Variants in ST8SIA4 observed in about 807,000 individuals in gnomAD.
ST8SIA4 encodes ST8 alpha-N-acetyl-neuraminide alpha-2,8-sialyltransferase 4, also known as CMP-N-acetylneuraminate-poly-alpha-2,8-sialyltransferase.
ST8SIA4 carries 15 observed loss-of-function variants against 33.9 expected under a neutral mutation model. The observed-to-expected ratio is 0.44, with a 90% CI of 0.30 to 0.68. ST8SIA4 has a LOEUF of 0.68. Ranked by LOEUF, ST8SIA4 falls within the 30% of genes least tolerant of loss-of-function variation. The pLI, the probability that ST8SIA4 is intolerant of heterozygous loss-of-function variation, is 0.10. For synonymous variants in ST8SIA4, 171 were observed against 151.2 expected (o/e 1.13, Z -0.96); for missense variants, 321 against 428.0 (o/e 0.75, Z 2.21).
intron 4 of ST8SIA4, among the ~76,000 whole-genome samples, chr5:100,845,476 T>A (rs929281614): frequency 1.3e-5 from 2 of 151,850 alleles, no homozygotes; most frequent in Non-Finnish European, 2.9e-5. Flanking sequence ...TAGAATAACT[T>A]AATGCAAATT....
intron 4 of ST8SIA4, among the ~76,000 whole-genome samples, chr5:100,830,307 T>G (rs1316700125): frequency 1.3e-5 from 2 of 152,222 alleles, no homozygotes; most frequent in Non-Finnish European, 2.9e-5. Context: ...AGATATTTGA[T>G]TTCATTGTGC....
chr5:100,876,777 G>A (rs1392429627), intron 3 of ST8SIA4, among the ~76,000 whole-genome samples: 2 of 151,836 alleles, frequency 1.3e-5, no homozygotes. Flanking sequence ...ATGTACATGA[G>A]ACCTAAATTT....
intron 3 of ST8SIA4, among the ~76,000 whole-genome samples, chr5:100,868,354 T>TA (rs886977945): frequency 1.5e-4 from 23 of 152,152 alleles, no homozygotes; most frequent in African/African-American, 5.5e-4. Flanking sequence ...TGTGCATGTG[T>TA]AGTAGCCAGG....
chr5:100,869,635 A>G (rs1330024607), intron 3 of ST8SIA4, among the ~76,000 whole-genome samples: 1 of 152,108 alleles, frequency 6.6e-6, no homozygotes. Flanking sequence ...TCTTCTGTTT[A>G]TAACAATAAC....
At chr5:100,830,153 T>C (rs894741744) in intron 4 of ST8SIA4, among the ~76,000 whole-genome samples, 2 of 152,228 alleles carry the variant, frequency 1.3e-5, no homozygotes, top group Non-Finnish European at 2.9e-5. Flanking sequence ...TGCAAAACTG[T>C]TGAAGACCTG....
rs190254111 is a variant in ST8SIA4 at position 100,808,680 on chromosome 5, A to G, written c.*3167T>C. The G allele has an allele frequency of 2.0e-5, 3 of 152,772 alleles. No individual in the cohort carries two copies. The East Asian group carries it at 5.8e-4, about 29-fold the overall frequency. 9.5% of individuals were successfully genotyped at this position (152,772 alleles called of 1,614,324 possible). ...CCACCTATTTCAAGTATGCTTTTAT[A>G]ATTTGATTTTGTCATGATCCTTTAT... On this transcript the variant is annotated 3_prime_UTR_variant, in exon 5 of 5. Transcript: ENST00000231461.
At chr5:100,836,660 A>G (rs12153670) in intron 4 of ST8SIA4, among the ~76,000 whole-genome samples, 42,561 of 151,898 alleles carry the variant, frequency 0.28, 6,213 homozygotes, top group Non-Finnish European at 0.32. Flanking sequence ...AATTAAAGAT[A>G]TCATTTCATA....
chr5:100,843,294 G>T (rs1751506120), intron 4 of ST8SIA4, among the ~76,000 whole-genome samples: 1 of 151,728 alleles, frequency 6.6e-6, no homozygotes, highest in South Asian at 2.1e-4. Context: ...CTTTCATTAT[G>T]AAAACAATTT....
chr5:100,843,935 T>C (rs962222058), intron 4 of ST8SIA4, among the ~76,000 whole-genome samples: 2 of 151,922 alleles, frequency 1.3e-5, no homozygotes, highest in Non-Finnish European at 2.9e-5. Context: ...TCTCCAATAT[T>C]TGAAGTTTAG....
intron 3 of ST8SIA4, chr5:100,886,015 T>G: frequency 3.0e-6 from 3 of 995,064 alleles, no homozygotes; most frequent in Non-Finnish European, 3.7e-6. Flanking sequence ...CACACAAAAC[T>G]AATGAGTATG....
At chr5:100,817,011 T>C (rs2112398880) in intron 4 of ST8SIA4, among the ~76,000 whole-genome samples, 1 of 151,416 alleles carries the variant, frequency 6.6e-6, no homozygotes, top group African/African-American at 2.4e-5. Context: ...GGCGCAATCT[T>C]GGCTCACTGC....
intron 4 of ST8SIA4, among the ~76,000 whole-genome samples, chr5:100,847,328 A>T (rs1387701492): frequency 6.6e-6 from 1 of 152,046 alleles, no homozygotes; most frequent in Non-Finnish European, 1.5e-5. Flanking sequence ...AATCCATTAG[A>T]GTGACTAATA....
intron 1 of ST8SIA4, among the ~76,000 whole-genome samples, chr5:100,901,791 A>G (rs568873188): frequency 1.3e-5 from 2 of 152,312 alleles, no homozygotes. Context: ...GAGCAGGAAT[A>G]TTAAGAAATG....
chr5:100,872,208 T>C (rs1429516484), intron 3 of ST8SIA4, among the ~76,000 whole-genome samples: 1 of 152,106 alleles, frequency 6.6e-6, no homozygotes, highest in Non-Finnish European at 1.5e-5. Flanking sequence ...CTTTATTATT[T>C]TGTGTTTATA....
chr5:100,902,975 C>A lies in ST8SIA4; in HGVS notation c.-20G>T. 1 of 1,584,878 alleles carries A rather than the reference C, an allele frequency of 6.3e-7. No homozygotes were observed. The highest frequency in any genetic ancestry group is 8.7e-7 in the Non-Finnish European group (1 of 1,153,486). On this transcript the variant is annotated 5_prime_UTR_variant, in exon 1 of 5. Coordinates refer to ENST00000231461, the MANE Select transcript of ST8SIA4 (RefSeq NM_005668.6). ...GCGCATCTTGGGTGCCCGAGAAAGTCCTGGTTGCCCCAGCTCCCGCACCTT... is the reference window on the plus strand; with the variant it reads ...GCGCATCTTGGGTGCCCGAGAAAGTACTGGTTGCCCCAGCTCCCGCACCTT...
intron 3 of ST8SIA4, among the ~76,000 whole-genome samples, chr5:100,873,534 G>C (rs1167767751): frequency 2.0e-5 from 3 of 152,076 alleles, no homozygotes; most frequent in Non-Finnish European, 2.9e-5. Context: ...AGAATATTAG[G>C]TGCCAATTGT....
At chr5:100,877,882 T>C (rs994417315) in intron 3 of ST8SIA4, among the ~76,000 whole-genome samples, 7 of 152,186 alleles carry the variant, frequency 4.6e-5, no homozygotes, top group Non-Finnish European at 8.8e-5. Context: ...CTTTTGTCTT[T>C]GGGAAAATGG....
intron 1 of ST8SIA4, chr5:100,900,346 C>T: frequency 2.2e-6 from 1 of 449,698 alleles, no homozygotes; most frequent in Non-Finnish European, 4.5e-6. Context: ...GATCTGGAGC[C>T]GAACCTCCAT....
chr5:100,829,304 T>C (rs1751205147), intron 4 of ST8SIA4, among the ~76,000 whole-genome samples: 1 of 152,208 alleles, frequency 6.6e-6, no homozygotes, highest in African/African-American at 2.4e-5. Context: ...TTCTTTGTCT[T>C]TTGGTCTCTC....
Sources: gnomAD v4.1 joint callset for allele counts (sites outside exome capture counted in the v4.1 genomes callset) on GRCh38, gnomAD v4.1.1 for gene constraint, MANE v1.5 for transcripts, NCBI Gene and HGNC (gene_info 2026-07-23, HGNC 2026-07-21) for gene names.